Variants in ME2 observed in about 807,000 individuals in gnomAD.
ME2 encodes NAD-dependent malic enzyme, mitochondrial.
Under a neutral mutation model 73.7 loss-of-function variants are expected in ME2, and 60 were observed. The observed-to-expected ratio is 0.81, with a 90% CI of 0.66 to 1.01. The LOEUF is 1.01. ME2 is among the 50% of genes least tolerant of loss of function. The pLI is 0.00. For synonymous variants in ME2, 199 were observed against 236.9 expected (o/e 0.84, Z 1.47); for missense variants, 594 against 705.5 (o/e 0.84, Z 1.79).
In ME2 at chr18:50,948,134, A is replaced by G. The variant is rs1918133054; in HGVS notation, c.*950A>G. The G allele has an allele frequency of 3.3e-5, 5 of 152,154 alleles. No homozygotes were observed. The highest frequency in any genetic ancestry group is 3.3e-4 in the Admixed American group (5 of 15,276). The allele number at this position is 152,154 out of a possible 1,614,324, so 9.4% of individuals were successfully genotyped here. On this transcript the variant is annotated 3_prime_UTR_variant, in exon 16 of 16. Transcript: ENST00000321341. ...TCTTTATTGCTTGAGATAATTTTGG[A>G]ATGTTACTATGATACTGTTTCTTTG...
Position 50,947,213 on chromosome 18 carries a change from G to A in ME2, c.*29G>A, listed in dbSNP as rs897803311. 13 of 1,597,554 alleles carry A rather than the reference G, an allele frequency of 8.1e-6. No homozygotes were observed. The highest frequency in any genetic ancestry group is 7.0e-5 in the Admixed American group (4 of 57,114). On this transcript the variant is annotated 3_prime_UTR_variant, in exon 16 of 16. Coordinates refer to ENST00000321341, the MANE Select transcript of ME2 (RefSeq NM_002396.5). ...CACTCCCCTGATAAATACTTTCTGTGCTCCAGGGAACCCCTTTTTTCAGAC... is the reference window on the plus strand; with the variant it reads ...CACTCCCCTGATAAATACTTTCTGTACTCCAGGGAACCCCTTTTTTCAGAC...
intron 15 of ME2, among the ~76,000 whole-genome samples, chr18:50,941,353 CTTTTTTTTTTTTTTTTT>C (rs57428974): frequency 3.1e-5 from 2 of 63,820 alleles, no homozygotes; most frequent in Admixed American, 2.6e-4. Flanking sequence ...GTGATGGTTT[CTTTTTTTTTTTTTTTTT>C]TTTTTTTTTT....
At chr18:50,925,450 G>T (rs1917528144) in intron 11 of ME2, among the ~76,000 whole-genome samples, 1 of 152,176 alleles carries the variant, frequency 6.6e-6, no homozygotes, top group Non-Finnish European at 1.5e-5. Flanking sequence ...CTACACTCCA[G>T]TCTGGGCGAC....
Position 50,939,605 on chromosome 18 carries a change from C to CAT in ME2, c.1456_1457dup (p.Ser487LeufsTer7). Reference sequence around the variant, plus strand: ...AGCTGTTATTCTCTGTAACACCCGGCATATTAGTGACAGTGTTTTCCTAGA... The same window carrying CAT: ...AGCTGTTATTCTCTGTAACACCCGGCATATATTAGTGACAGTGTTTTCCTAGA... On this transcript the variant is annotated frameshift_variant, in exon 14 of 16. Coordinates refer to ENST00000321341, the MANE Select transcript of ME2 (RefSeq NM_002396.5). LOFTEE classifies it high-confidence loss of function. The CAT allele has an allele frequency of 1.2e-6, 2 of 1,612,164 alleles. No individual in the cohort carries two copies. Among genetic ancestry groups the CAT allele is most frequent in the Non-Finnish European group, 1.7e-6 (2 of 1,178,510 alleles).
chr18:50,913,860 T>TATACACACACACACAC (rs112137080), intron 4 of ME2, among the ~76,000 whole-genome samples: 32,247 of 142,852 alleles, frequency 0.23, 4,265 homozygotes, highest in East Asian at 0.31. Flanking sequence ...AGCAATATTA[T>TATACACACACACACAC]ACACACACAC....
At chr18:50,889,962 C>G (rs1247205634) in intron 1 of ME2, among the ~76,000 whole-genome samples, 1 of 152,082 alleles carries the variant, frequency 6.6e-6, no homozygotes, top group Non-Finnish European at 1.5e-5. Flanking sequence ...TTAATTATGT[C>G]AAAGGTTTAA....
Position 50,954,036 on chromosome 18 carries a change from G to A in ME2, c.*6852G>A, listed in dbSNP as rs1918274093. Reference sequence around the variant, plus strand: ...GCCTTTCACATCTGAGTGTTGATAAGATGACGGAATGGGTAGTCTTGTAGT... The same window carrying A: ...GCCTTTCACATCTGAGTGTTGATAAAATGACGGAATGGGTAGTCTTGTAGT... On this transcript the variant is annotated 3_prime_UTR_variant, in exon 16 of 16. Transcript: ENST00000321341. 1 of 152,220 alleles carries A rather than the reference G, an allele frequency of 6.6e-6. No homozygotes were observed. The highest frequency in any genetic ancestry group is 2.4e-5 in the African/African-American group (1 of 41,464). The allele number at this position is 152,220 out of a possible 1,614,324, so 9.4% of individuals were successfully genotyped here.
chr18:50,887,394 A>T (rs1033374935), intron 1 of ME2, among the ~76,000 whole-genome samples: 2 of 152,236 alleles, frequency 1.3e-5, no homozygotes, highest in African/African-American at 4.8e-5. Flanking sequence ...CAGTACATGA[A>T]TACTACTTAG....
intron 13 of ME2, among the ~76,000 whole-genome samples, chr18:50,938,077 CA>C (rs1271090074): frequency 2.0e-5 from 3 of 152,148 alleles, no homozygotes; most frequent in African/African-American, 7.2e-5. Flanking sequence ...CCTGTAATCC[CA>C]GCACTTTGGG....
At chr18:50,916,684 A>T (rs757703616) in intron 5 of ME2, 1 of 152,580 alleles carries the variant, frequency 6.6e-6, no homozygotes, top group African/African-American at 2.4e-5. Context: ...AGCAAATATA[A>T]GCCCTGGCCT....
intron 11 of ME2, 128 bp from the exon 12 acceptor site, chr18:50,925,628 A>T: frequency 2.9e-6 from 2 of 700,246 alleles, no homozygotes; most frequent in South Asian, 4.1e-5. Context: ...TTGCTGAGAT[A>T]GTGCTATCTT....
intron 1 of ME2, among the ~76,000 whole-genome samples, chr18:50,890,392 G>T (rs1368513345): frequency 1.3e-5 from 2 of 152,134 alleles, no homozygotes; most frequent in African/African-American, 4.8e-5. Flanking sequence ...GGGATTCCAG[G>T]CATGCACCAC....
chr18:50,943,397 T>C (rs1436591768), intron 15 of ME2, among the ~76,000 whole-genome samples: 6 of 152,146 alleles, frequency 3.9e-5, no homozygotes, highest in African/African-American at 9.7e-5. Flanking sequence ...CCTCCCAGGC[T>C]CAAGCGATCT....
chr18:50,927,650 C>T (rs1006566785), intron 12 of ME2, among the ~76,000 whole-genome samples: 7 of 146,304 alleles, frequency 4.8e-5, no homozygotes, highest in South Asian at 2.2e-4. Flanking sequence ...TGCATTGAGC[C>T]GAGATCGCAC....
At chr18:50,908,943 T>C (rs1040120895) in intron 3 of ME2, among the ~76,000 whole-genome samples, 2 of 110,734 alleles carry the variant, frequency 1.8e-5, no homozygotes, top group African/African-American at 3.7e-5. Flanking sequence ...GCCTGGACTT[T>C]TTCTTTTCTT....
At chr18:50,880,849 G>A (rs891093150) in intron 1 of ME2, among the ~76,000 whole-genome samples, 7 of 152,052 alleles carry the variant, frequency 4.6e-5, no homozygotes, top group Admixed American at 1.3e-4. Context: ...ACCCTTAGAG[G>A]GTGTTTATAT....
intron 12 of ME2, among the ~76,000 whole-genome samples, chr18:50,927,531 T>C (rs1917581761): frequency 6.6e-6 from 1 of 151,430 alleles, no homozygotes. Flanking sequence ...AAACCCCGTC[T>C]CTACTAAAAA....
At position 50,927,810 on chromosome 18, in the gene ME2, A is replaced by AT. The variant is rs545334028; in HGVS notation, c.1314+1934dup. ...AACAATAATTATATCTTGTCATTTA[A>AT]TTTTTTTTTTTTTTTTTTTTTTGAG... On this transcript the variant is annotated intron_variant, in intron 12 of 15. Coordinates refer to ENST00000321341, the MANE Select transcript of ME2 (RefSeq NM_002396.5). Among the ~76,000 whole-genome samples the AT allele has an allele frequency of 2.2e-3, 160 of 73,088 alleles. 2 individuals are homozygous for AT. The highest frequency in any genetic ancestry group is 3.2e-3 in the African/African-American group (54 of 16,720). 47.9% of individuals were successfully genotyped at this position (73,088 alleles called of 152,430 possible). A position where few individuals can be genotyped will look rare whatever the true frequency, so the allele number is the denominator to read the frequency against.
At chr18:50,880,378 A>AT (rs1916289308) in intron 1 of ME2, among the ~76,000 whole-genome samples, 1 of 152,218 alleles carries the variant, frequency 6.6e-6, no homozygotes, top group African/African-American at 2.4e-5. Context: ...TTAAACGTGT[A>AT]TACTCCTTAA....
Sources: allele counts gnomAD v4.1 joint callset (sites outside exome capture counted in the v4.1 genomes callset), GRCh38; gene constraint gnomAD v4.1.1; transcripts MANE v1.5; gene names NCBI Gene and HGNC (gene_info 2026-07-23, HGNC 2026-07-21).